The following RAP1GAP2 variants were observed in gnomAD, a reference collection of about 807,000 sequenced individuals.
RAP1GAP2 encodes rap1 GTPase-activating protein 2.
Under a neutral mutation model 95.0 loss-of-function variants are expected in RAP1GAP2, and 27 were observed. The observed-to-expected ratio is 0.28, with a 90% CI of 0.21 to 0.39. RAP1GAP2 has a LOEUF of 0.39. Ranked by LOEUF, RAP1GAP2 falls within the 10% of genes least tolerant of loss-of-function variation. RAP1GAP2 has a pLI of 1.00. For synonymous variants in RAP1GAP2, 373 were observed against 380.9 expected, an observed-to-expected ratio of 0.98 and a Z score of 0.24; for missense variants, 771 against 970.0, an observed-to-expected ratio of 0.79 and a Z score of 2.72.
At chr17:2,837,607 CTTTTT>C (rs36019609) in intron 2 of RAP1GAP2, among the ~76,000 whole-genome samples, 1 of 122,162 alleles carries the variant, frequency 8.2e-6, no homozygotes. Flanking sequence ...AGCCCTGCTT[CTTTTT>C]TTTTTTTTTT....
Position 2,899,569 on chromosome 17 carries a change from G to T in RAP1GAP2, c.81-5715G>T, listed in dbSNP as rs111386602. Among the ~76,000 whole-genome samples the T allele has an allele frequency of 8.0e-4, 122 of 151,764 alleles. 1 individual carries two copies. The highest frequency in any genetic ancestry group is 2.6e-3 in the African/African-American group (108 of 41,366). ...TCTGTCACCCGGGCTGGAGTGCAGT[G>T]GCACAATCTTGGCTCACTGCAACCT... On this transcript the variant is annotated intron_variant, in intron 2 of 24. Coordinates refer to ENST00000254695, the MANE Select transcript of RAP1GAP2 (RefSeq NM_015085.5).
intron 2 of RAP1GAP2, among the ~76,000 whole-genome samples, chr17:2,848,496 T>A (rs2071682490): frequency 1.0e-5 from 1 of 95,924 alleles, no homozygotes. Flanking sequence ...CTCTCTCTTT[T>A]CCTTCTTTTT....
In RAP1GAP2 at chr17:3,004,608, C is replaced by T. The variant is rs896704365; in HGVS notation, c.1201-761C>T. Among the ~76,000 whole-genome samples the T allele has an allele frequency of 1.2e-4, 19 of 152,244 alleles. No homozygotes were observed. The highest frequency in any genetic ancestry group is 4.3e-4 in the African/African-American group (18 of 41,466). ...TGGGCGACCCCCATGCAGCGAACCT[C>T]GAGGCCGTCACTCTAAAGCTCAGTC... On this transcript the variant is annotated intron_variant, in intron 14 of 24. Coordinates refer to ENST00000254695, the MANE Select transcript of RAP1GAP2 (RefSeq NM_015085.5). The surrounding 1 kb of genome is among the most constrained non-coding windows in gnomAD (Gnocchi z 4.1).
chr17:3,017,414 GCCCCTGC>G (rs1161262305), intron 17 of RAP1GAP2, among the ~76,000 whole-genome samples: 1 of 152,060 alleles, frequency 6.6e-6, no homozygotes, highest in Non-Finnish European at 1.5e-5. Context: ...CGGATCTGAA[GCCCCTGC>G]AAGTGGGAGG....
intron 14 of RAP1GAP2, among the ~76,000 whole-genome samples, chr17:3,000,385 G>A (rs1247023987): frequency 1.2e-4 from 18 of 151,880 alleles, no homozygotes; most frequent in Non-Finnish European, 1.8e-4. Flanking sequence ...GGCTGGAATG[G>A]GGCTCGTGGA....
chr17:2,848,192 C>T (rs558541024), intron 2 of RAP1GAP2, among the ~76,000 whole-genome samples: 22 of 152,186 alleles, frequency 1.4e-4, no homozygotes, highest in African/African-American at 3.4e-4. Context: ...GTTTCCTCAG[C>T]GTGGTTTCCT....
chr17:2,927,772 G>C (rs566523588), intron 3 of RAP1GAP2, among the ~76,000 whole-genome samples: 1 of 152,288 alleles, frequency 6.6e-6, no homozygotes, highest in South Asian at 2.1e-4. Flanking sequence ...ATCTCTACCT[G>C]CTTCCTAGAG....
rs115523559 is a variant in RAP1GAP2 at position 2,858,374 on chromosome 17, T to C, written c.81-46910T>C. Among the ~76,000 whole-genome samples the C allele has an allele frequency of 4.1e-3, 622 of 152,252 alleles. 7 individuals carry two copies. The highest frequency in any genetic ancestry group is 0.014 in the African/African-American group (578 of 41,550). On this transcript the variant is annotated intron_variant, in intron 2 of 24. Transcript: ENST00000254695. ...AGTATCATACCTGGTGGGTTATTCCTGGGTAGAAAAAGCCTATCGCAATTC... is the reference window on the plus strand; with the variant it reads ...AGTATCATACCTGGTGGGTTATTCCCGGGTAGAAAAAGCCTATCGCAATTC...
chr17:2,965,366 C>A lies in RAP1GAP2; in HGVS notation c.493-174C>A. The A allele has an allele frequency of 1.6e-6, 1 of 607,660 alleles. No homozygotes were observed. Among genetic ancestry groups the A allele is most frequent in the East Asian group, 2.8e-5 (1 of 35,930 alleles). The allele number at this position is 607,660 out of a possible 1,614,324, so 37.6% of individuals were successfully genotyped here. On this transcript the variant is annotated intron_variant, in intron 7 of 24. Transcript: ENST00000254695. This position sits in a 1 kb window ranked among gnomAD's most constrained non-coding sequence, Gnocchi z 4.7. Reference sequence around the variant, plus strand: ...ATTAAGCCCCTGGCACGGTGCCTGGCGCCTCCTGAGGATCCGGCCGTCGGT... The same window carrying A: ...ATTAAGCCCCTGGCACGGTGCCTGGAGCCTCCTGAGGATCCGGCCGTCGGT...
At chr17:2,868,681 C>A (rs772478886) in intron 2 of RAP1GAP2, among the ~76,000 whole-genome samples, 5 of 79,588 alleles carry the variant, frequency 6.3e-5, no homozygotes, top group Non-Finnish European at 1.2e-4. Flanking sequence ...CTACGCCTGT[C>A]TAATTTCTGT....
chr17:2,938,576 A>C (rs929649421), intron 3 of RAP1GAP2, among the ~76,000 whole-genome samples: 1 of 152,128 alleles, frequency 6.6e-6, no homozygotes, highest in Non-Finnish European at 1.5e-5. Flanking sequence ...GCCATTCGCT[A>C]TCTTTAATTT....
At chr17:2,966,702 GCATAGA>G (rs1262669284) in intron 8 of RAP1GAP2, among the ~76,000 whole-genome samples, 14 of 152,124 alleles carry the variant, frequency 9.2e-5, no homozygotes, top group African/African-American at 3.1e-4. Flanking sequence ...TATTTGCAAG[GCATAGA>G]AGAGTCAATT....
intron 2 of RAP1GAP2, among the ~76,000 whole-genome samples, chr17:2,815,067 G>A (rs1165277890): frequency 6.6e-6 from 1 of 152,104 alleles, no homozygotes; most frequent in Non-Finnish European, 1.5e-5. Flanking sequence ...GAATCACCTA[G>A]GGGACCTCGT....
rs1346761726 is a variant in RAP1GAP2 at position 3,029,886 on chromosome 17, CAT to C, written c.2108-1033_2108-1032del. On this transcript the variant is annotated intron_variant, in intron 22 of 24. Coordinates refer to ENST00000254695, the MANE Select transcript of RAP1GAP2 (RefSeq NM_015085.5). The surrounding 1 kb of genome is among the most constrained non-coding windows in gnomAD (Gnocchi z 4.4). ...AGATAATATTCTTTACCATAAGTCC[CAT>C]ATGTCCAACTGATTCTCACAGAATG... Among the ~76,000 whole-genome samples, 4 of 151,990 alleles carry C rather than the reference CAT, an allele frequency of 2.6e-5. No individual in the cohort carries two copies. Among genetic ancestry groups the C allele is most frequent in the African/African-American group, 9.7e-5 (4 of 41,378 alleles).
intron 4 of RAP1GAP2, among the ~76,000 whole-genome samples, chr17:2,960,446 C>T (rs1407758141): frequency 1.3e-5 from 2 of 152,216 alleles, no homozygotes; most frequent in Admixed American, 1.3e-4. Flanking sequence ...TCAGTGGGAA[C>T]GGCCCTCCCA....
At chr17:2,863,543 CT>C (rs1414391636) in intron 2 of RAP1GAP2, among the ~76,000 whole-genome samples, 1 of 152,130 alleles carries the variant, frequency 6.6e-6, no homozygotes, top group Non-Finnish European at 1.5e-5. Flanking sequence ...TGAGAGCCAC[CT>C]CCTCCCTTCT....
chr17:2,936,544 A>G (rs74252364), intron 3 of RAP1GAP2, among the ~76,000 whole-genome samples: 5,605 of 151,824 alleles, frequency 0.037, 211 homozygotes, highest in African/African-American at 0.094. Flanking sequence ...TTTGCTAGTA[A>G]CAGGCTGTGT....
intron 3 of RAP1GAP2, among the ~76,000 whole-genome samples, chr17:2,940,215 C>A (rs560416013): frequency 6.6e-6 from 1 of 152,104 alleles, no homozygotes; most frequent in Non-Finnish European, 1.5e-5. Flanking sequence ...ATGGAAGCCA[C>A]CCTTCACTCA....
intron 8 of RAP1GAP2, among the ~76,000 whole-genome samples, chr17:2,969,181 A>ATC (rs146508761): frequency 0.067 from 9,891 of 147,030 alleles, 426 homozygotes; most frequent in Non-Finnish European, 0.1. Context: ...CTATCTATCT[A>ATC]TATATATATA....
Sources: gnomAD v4.1 joint callset for allele counts (sites outside exome capture counted in the v4.1 genomes callset) on GRCh38, gnomAD v4.1.1 for gene constraint, Gnocchi (gnomAD v3.1) non-coding constraint, MANE v1.5 for transcripts, NCBI Gene and HGNC (gene_info 2026-07-23, HGNC 2026-07-21) for gene names.